GALNT13: variants seen among roughly 807,000 people sequenced by gnomAD.
GALNT13 encodes the protein polypeptide N-acetylgalactosaminyltransferase 13, also known as UDP-GalNAc:polypeptide N-acetylgalactosaminyltransferase 13.
GALNT13 carries 28 observed loss-of-function variants against 64.2 expected under a neutral mutation model. The ratio of observed to expected loss-of-function variants is 0.44; its 90% CI spans 0.32 to 0.60. The LOEUF (loss-of-function observed/expected upper bound fraction) is 0.60, where lower values mean the gene tolerates loss of function less well. Ranked by LOEUF, GALNT13 falls within the 20% of genes least tolerant of loss-of-function variation. The pLI, the probability that GALNT13 is intolerant of heterozygous loss-of-function variation, is 0.05. For missense variants in GALNT13, 577 were observed against 669.8 expected (o/e 0.86, Z 1.53); for synonymous variants, 214 against 224.6 (o/e 0.95, Z 0.42).
the GALNT13 span, among the ~76,000 whole-genome samples, chr2:153,504,543 C>T: frequency 6.6e-6 from 1 of 151,998 alleles, no homozygotes; most frequent in Non-Finnish European, 1.5e-5. Context: ...GTTTTATTAC[C>T]TTAAGGTATG....
intron 4 of GALNT13, among the ~76,000 whole-genome samples, chr2:154,194,139 G>GA (rs1553492682): frequency 4.0e-5 from 6 of 151,810 alleles, no homozygotes; most frequent in Non-Finnish European, 7.4e-5. Flanking sequence ...CTCATCATGT[G>GA]TTTTTTTTCT....
intron 3 of GALNT13, among the ~76,000 whole-genome samples, chr2:154,025,132 C>A (rs979948601): frequency 6.6e-6 from 1 of 152,112 alleles, no homozygotes; most frequent in African/African-American, 2.4e-5. Context: ...TTAGGCTACT[C>A]GGGGGTCATG....
Position 154,298,651 on chromosome 2 carries a change from TATATAC to T in GALNT13, c.976-2756_976-2751del, listed in dbSNP as rs1240366772. On this transcript the variant is annotated intron_variant, in intron 8 of 12. Coordinates refer to ENST00000392825, the MANE Select transcript of GALNT13 (RefSeq NM_052917.4). ...GTATATATAATTTATATATACATTG[TATATAC>T]AATTTATATATACATTGTATATACA... is the stretch of plus-strand genomic sequence containing the variant. Among the ~76,000 whole-genome samples the T allele has an allele frequency of 1.4e-4, 14 of 102,858 alleles. 6 individuals carry two copies. Among genetic ancestry groups the T allele is most frequent in the African/African-American group, 4.5e-4 (12 of 26,778 alleles). The allele number at this position is 102,858 out of a possible 152,430, so 67.5% of individuals were successfully genotyped here.
chr2:153,409,185 G>A, the GALNT13 span, among the ~76,000 whole-genome samples: 1 of 151,746 alleles, frequency 6.6e-6, no homozygotes, highest in Non-Finnish European at 1.5e-5. Flanking sequence ...ACCACTGCTG[G>A]CTTCCTTGCT....
In GALNT13 at chr2:154,298,550, ATTGTATATATAAT is replaced by A. The variant is rs1191585512; in HGVS notation, c.976-2856_976-2844del. Among the ~76,000 whole-genome samples, 165 of 93,166 alleles carry A rather than the reference ATTGTATATATAAT, an allele frequency of 1.8e-3. 3 individuals carry two copies. Among genetic ancestry groups the A allele is most frequent in the African/African-American group, 6.7e-3 (156 of 23,358 alleles). The allele number at this position is 93,166 out of a possible 152,430, so 61.1% of individuals were successfully genotyped here. The stretch of plus-strand genomic sequence containing the variant: ...TAAAATTGTATATATTTATATATAA[ATTGTATATATAAT>A]TTATATATAAATTGTATATATAATT... On this transcript the variant is annotated intron_variant, in intron 8 of 12. Transcript: ENST00000392825.
chr2:153,652,038 G>T, the GALNT13 span, among the ~76,000 whole-genome samples: 1 of 152,072 alleles, frequency 6.6e-6, no homozygotes, highest in South Asian at 2.1e-4. Context: ...TAGAACTCAG[G>T]ATAGAGCAGC....
At chr2:154,063,562 G>A (rs896734719) in intron 3 of GALNT13, among the ~76,000 whole-genome samples, 1 of 151,972 alleles carries the variant, frequency 6.6e-6, no homozygotes, top group Non-Finnish European at 1.5e-5. Context: ...TGCTATTATT[G>A]ATTTTATAAT....
chr2:154,315,585 A>T (rs1694276546), intron 9 of GALNT13, among the ~76,000 whole-genome samples: 1 of 152,216 alleles, frequency 6.6e-6, no homozygotes, highest in Admixed American at 6.5e-5. Flanking sequence ...AGACACATAC[A>T]CACACGTATA....
intron 8 of GALNT13, among the ~76,000 whole-genome samples, chr2:154,290,615 G>A (rs913779813): frequency 6.6e-6 from 1 of 152,196 alleles, no homozygotes; most frequent in Admixed American, 6.5e-5. Flanking sequence ...AAATTTGGGG[G>A]AATTTAGAAG....
chr2:153,834,799 A>G, the GALNT13 span, among the ~76,000 whole-genome samples: 1 of 152,084 alleles, frequency 6.6e-6, no homozygotes. Context: ...AATGGGAGGA[A>G]AGGAACTGAC....
chr2:153,983,301 C>T (rs1018154891), intron 3 of GALNT13, among the ~76,000 whole-genome samples: 7 of 151,582 alleles, frequency 4.6e-5, no homozygotes, highest in Admixed American at 1.3e-4. Flanking sequence ...TAATTACTTA[C>T]GGTATGAAAA....
At chr2:153,672,764 G>A in the GALNT13 span, among the ~76,000 whole-genome samples, 1 of 136,192 alleles carries the variant, frequency 7.3e-6, no homozygotes, top group Non-Finnish European at 1.6e-5. Context: ...AATGAATCCA[G>A]GAGGTGTTTT....
At chr2:153,541,287 T>A in the GALNT13 span, among the ~76,000 whole-genome samples, 1 of 152,174 alleles carries the variant, frequency 6.6e-6, no homozygotes, top group African/African-American at 2.4e-5. Context: ...GTTTGCTTCC[T>A]CTTCTGCCAT....
chr2:154,079,256 T>TGGGGC (rs1280909654), intron 3 of GALNT13, among the ~76,000 whole-genome samples: 6 of 151,522 alleles, frequency 4.0e-5, no homozygotes, highest in Non-Finnish European at 8.9e-5. Flanking sequence ...AATTTACAAA[T>TGGGGC]GGTATGGGAT....
At chr2:153,922,363 ATAT>A (rs1689816921) in intron 2 of GALNT13, among the ~76,000 whole-genome samples, 1 of 152,354 alleles carries the variant, frequency 6.6e-6, no homozygotes, top group African/African-American at 2.4e-5. Flanking sequence ...TCAAAAGAAA[ATAT>A]TATAATCATT....
chr2:154,220,555 C>T (rs1357077103), intron 4 of GALNT13, among the ~76,000 whole-genome samples: 1 of 151,878 alleles, frequency 6.6e-6, no homozygotes, highest in African/African-American at 2.4e-5. Flanking sequence ...TGCATACACA[C>T]ATATTTCTGA....
intron 3 of GALNT13, among the ~76,000 whole-genome samples, chr2:153,947,902 T>C (rs1278088619): frequency 3.9e-5 from 6 of 152,136 alleles, no homozygotes; most frequent in Non-Finnish European, 7.4e-5. Context: ...TGCATATGCC[T>C]AGCCAGTTCT....
intron 10 of GALNT13, among the ~76,000 whole-genome samples, chr2:154,397,001 T>C (rs1699085915): frequency 6.6e-6 from 1 of 150,726 alleles, no homozygotes; most frequent in Non-Finnish European, 1.5e-5. Flanking sequence ...ATATATAATA[T>C]ATTCCTATAT....
intron 3 of GALNT13, among the ~76,000 whole-genome samples, chr2:154,098,180 T>A (rs1331842067): frequency 6.7e-6 from 1 of 148,354 alleles, no homozygotes; most frequent in African/African-American, 2.6e-5. Flanking sequence ...TGAACGGCAC[T>A]GACCTGCCAT....
Sources: allele counts gnomAD v4.1 joint callset (sites outside exome capture counted in the v4.1 genomes callset), GRCh38; gene constraint gnomAD v4.1.1; transcripts MANE v1.5; gene names NCBI Gene and HGNC (gene_info 2026-07-23, HGNC 2026-07-21).